CCDC144A: variants seen among roughly 807,000 people sequenced by gnomAD.
CCDC144A encodes the protein coiled-coil domain containing 144A, also known as coiled-coil domain-containing protein 144A.
In CCDC144A, 41 loss-of-function variants were observed where a neutral mutation model predicts 143.8. The observed-to-expected ratio is 0.29, with a 90% CI of 0.22 to 0.37. The LOEUF is 0.37. CCDC144A is among the 10% of genes least tolerant of loss of function. CCDC144A has a pLI of 1.00. For synonymous variants in CCDC144A, 242 were observed against 517.9 expected (o/e 0.47, Z 7.23); for missense variants, 637 against 1,488.8 (o/e 0.43, Z 9.41).
rs1440620867 is a variant in CCDC144A, at chr17:16,774,340, G to C, written c.*707G>C. 2.7e-5 allele frequency: 4 copies of C among 146,398 alleles called. No homozygotes were observed. Among genetic ancestry groups the C allele is most frequent in the Admixed American group, 1.4e-4 (2 of 14,806 alleles). The allele number at this position is 146,398 out of a possible 1,614,324, so 9.1% of individuals were successfully genotyped here. ...TATATAACTACTTCATAATCGGAAA[G>C]TTAACATCAATACACTTGATCATTT... On this transcript the variant is annotated 3_prime_UTR_variant, in exon 17 of 17. Transcript: ENST00000399273.
intron 9 of CCDC144A, among the ~76,000 whole-genome samples, chr17:16,730,364 GT>G: frequency 1.0e-5 from 1 of 98,096 alleles, no homozygotes; most frequent in South Asian, 4.1e-4. Context: ...TTTTATACAA[GT>G]ACCATGCTGT....
At chr17:16,668,960 T>C in the CCDC144A span, among the ~76,000 whole-genome samples, 1 of 152,190 alleles carries the variant, frequency 6.6e-6, no homozygotes. Flanking sequence ...CAGAGTTAGA[T>C]CTTCAGCACA....
chr17:16,750,815 C>T (rs561012696), intron 12 of CCDC144A, among the ~76,000 whole-genome samples: 44 of 152,204 alleles, frequency 2.9e-4, no homozygotes, highest in South Asian at 8.3e-4. Flanking sequence ...ATCCTTCCCT[C>T]CGCTTGGTCT....
intron 1 of CCDC144A, among the ~76,000 whole-genome samples, chr17:16,692,232 G>C (rs1911133232): frequency 6.6e-6 from 1 of 150,426 alleles, no homozygotes; most frequent in African/African-American, 2.4e-5. Context: ...CAGAGTTTGA[G>C]TCTGTATGGA....
intron 7 of CCDC144A, 96 bp downstream of exon 7, chr17:16,720,327 G>A: frequency 2.0e-6 from 3 of 1,488,348 alleles, no homozygotes; most frequent in Non-Finnish European, 2.7e-6. Context: ...TTGTAAGGCT[G>A]TTTGCTTAGA....
chr17:16,669,188 T>C, the CCDC144A span, among the ~76,000 whole-genome samples: 1 of 152,256 alleles, frequency 6.6e-6, no homozygotes, highest in African/African-American at 2.4e-5. Context: ...TATATATATC[T>C]TGCGACATTT....
At position 16,762,500 on chromosome 17, in the gene CCDC144A, AAGTT is replaced by A. The variant is rs1915423849; in HGVS notation, c.3857_3860del (p.Val1286GlufsTer14). ...AAGGAACTCTACCTAGAAGAAGTGA[AAGTT>A]AGAGAATCCTTGTCAAATGAACTCA... On this transcript the variant is annotated frameshift_variant, in exon 14 of 17. Coordinates refer to ENST00000399273, the MANE Select transcript of CCDC144A (RefSeq NM_001382000.1). LOFTEE classifies it high-confidence loss of function. 1.3e-6 allele frequency: 2 copies of A among 1,593,878 alleles called. No individual in the cohort carries two copies. The highest frequency in any genetic ancestry group is 2.3e-5 in the South Asian group (2 of 87,540).
intron 5 of CCDC144A, among the ~76,000 whole-genome samples, chr17:16,711,135 T>TAAAA (rs1912384837): frequency 3.0e-4 from 3 of 10,068 alleles, no homozygotes; most frequent in Middle Eastern, 0.042. Context: ...AGGATTCAAA[T>TAAAA]GAAAAAAAAA....
chr17:16,685,937 ATTT>A (rs35158544), upstream of CCDC144A, among the ~76,000 whole-genome samples: 2 of 124,192 alleles, frequency 1.6e-5, no homozygotes, highest in Admixed American at 8.4e-5. Context: ...ACATCTGGCT[ATTT>A]TTTTTTTTTT....
intron 2 of CCDC144A, among the ~76,000 whole-genome samples, chr17:16,703,634 C>G (rs1911861307): frequency 6.6e-6 from 1 of 152,006 alleles, no homozygotes. Context: ...GAAACCCCGT[C>G]TCTACTAAAA....
chr17:16,770,865 T>C (rs1393798251), intron 15 of CCDC144A, among the ~76,000 whole-genome samples: 8 of 151,984 alleles, frequency 5.3e-5, no homozygotes, highest in Admixed American at 2.6e-4. Flanking sequence ...TCTTGAATTA[T>C]TACTTTTATA....
chr17:16,759,207 A>G (rs1486650702), intron 12 of CCDC144A, among the ~76,000 whole-genome samples: 4 of 152,264 alleles, frequency 2.6e-5, no homozygotes, highest in African/African-American at 7.2e-5. Flanking sequence ...TATGTCTGAT[A>G]TTTGTAATTT....
chr17:16,702,675 G>A (rs1381713310), intron 2 of CCDC144A, among the ~76,000 whole-genome samples: 1 of 152,168 alleles, frequency 6.6e-6, no homozygotes, highest in East Asian at 1.9e-4. Flanking sequence ...CCCTAGATAT[G>A]CAGTGTCAGG....
chr17:16,683,755 A>C, the CCDC144A span: 1 of 1,536,022 alleles, frequency 6.5e-7, no homozygotes. Flanking sequence ...GGAGATGGAG[A>C]TGAAAGCGCA....
At chr17:16,759,351 C>T (rs1318307036) in intron 12 of CCDC144A, among the ~76,000 whole-genome samples, 3 of 152,198 alleles carry the variant, frequency 2.0e-5, no homozygotes, top group African/African-American at 7.2e-5. Flanking sequence ...CATGTCATTA[C>T]TCAACACATA....
intron 5 of CCDC144A, chr17:16,710,462 G>C (rs552917555): frequency 5.8e-4 from 88 of 152,724 alleles, no homozygotes; most frequent in African/African-American, 2.1e-3. Flanking sequence ...GTGCTTTTCA[G>C]GTTTTTCTGT....
intron 12 of CCDC144A, among the ~76,000 whole-genome samples, chr17:16,751,772 C>G (rs1914804727): frequency 6.6e-6 from 1 of 152,208 alleles, no homozygotes; most frequent in Non-Finnish European, 1.5e-5. Context: ...GGGAGGATCC[C>G]CGGGCAGGGC....
intron 12 of CCDC144A, among the ~76,000 whole-genome samples, chr17:16,748,290 T>G (rs549447165): frequency 7.6e-4 from 116 of 152,298 alleles, no homozygotes; most frequent in African/African-American, 2.7e-3. Context: ...TTGTTGGGTG[T>G]TTTTTTCATG....
intron 2 of CCDC144A, among the ~76,000 whole-genome samples, chr17:16,697,177 T>C (rs999529562): frequency 6.6e-6 from 1 of 152,144 alleles, no homozygotes; most frequent in African/African-American, 2.4e-5. Flanking sequence ...ATGTTTACTG[T>C]AGGGACTCAT....
Sources: gnomAD v4.1 joint callset for allele counts (sites outside exome capture counted in the v4.1 genomes callset) on GRCh38, gnomAD v4.1.1 for gene constraint, MANE v1.5 for transcripts, NCBI Gene and HGNC (gene_info 2026-07-23, HGNC 2026-07-21) for gene names.